The following CPED1 variants were observed in gnomAD, a reference collection of about 807,000 sequenced individuals.
CPED1 encodes the protein cadherin like and PC-esterase domain containing 1, also known as cadherin-like and PC-esterase domain-containing protein 1.
In CPED1, 114 loss-of-function variants were observed where a neutral mutation model predicts 128.2. That is an observed-to-expected ratio of 0.89 (90% CI 0.76 to 1.04). The LOEUF is 1.04. Ranked by LOEUF, CPED1 falls within the 50% of genes least tolerant of loss-of-function variation. The probability of loss-of-function intolerance (pLI) is 0.00; values close to 1 mark genes in which losing one functional copy is unlikely to be tolerated. For missense variants in CPED1, 1,211 were observed against 1,207.1 expected, an observed-to-expected ratio of 1.00 and a Z score of -0.05; for synonymous variants, 462 against 426.7, an observed-to-expected ratio of 1.08 and a Z score of -1.02.
At chr7:121,192,769 A>G (rs1037250250) in intron 16 of CPED1, among the ~76,000 whole-genome samples, 7 of 152,176 alleles carry the variant, frequency 4.6e-5, no homozygotes, top group Non-Finnish European at 8.8e-5. Flanking sequence ...TACAAAACAC[A>G]TACTGTAAAA....
intron 3 of CPED1, among the ~76,000 whole-genome samples, chr7:121,045,220 G>A (rs1793164285): frequency 6.6e-6 from 1 of 152,194 alleles, no homozygotes; most frequent in Non-Finnish European, 1.5e-5. Context: ...TGCACGATGA[G>A]ATTTCTCTCA....
intron 2 of CPED1, among the ~76,000 whole-genome samples, chr7:120,997,314 T>C (rs1317033282): frequency 2.0e-5 from 3 of 152,250 alleles, no homozygotes; most frequent in Non-Finnish European, 2.9e-5. Flanking sequence ...CATCTTTCTT[T>C]TTTAAGTGAA....
chr7:121,009,274 A>G (rs1168363742), intron 2 of CPED1, among the ~76,000 whole-genome samples: 1 of 151,924 alleles, frequency 6.6e-6, no homozygotes, highest in Non-Finnish European at 1.5e-5. Flanking sequence ...ATGGAATCTG[A>G]ACTGCAGAGA....
intron 22 of CPED1, among the ~76,000 whole-genome samples, chr7:121,290,167 A>G (rs1237346964): frequency 1.3e-5 from 2 of 152,236 alleles, no homozygotes; most frequent in African/African-American, 4.8e-5. Context: ...ATAGTACTCC[A>G]TGGTATATAC....
chr7:120,998,925 C>G (rs1220056751), intron 2 of CPED1, among the ~76,000 whole-genome samples: 1 of 151,710 alleles, frequency 6.6e-6, no homozygotes, highest in Non-Finnish European at 1.5e-5. Context: ...GATTTTGGAC[C>G]CTGAGTAACA....
At chr7:121,143,890 G>T (rs1241207383) in intron 16 of CPED1, among the ~76,000 whole-genome samples, 1 of 151,798 alleles carries the variant, frequency 6.6e-6, no homozygotes, top group Non-Finnish European at 1.5e-5. Context: ...ATTCATAGTA[G>T]CTAAAAGTTG....
intron 17 of CPED1, 85 bp downstream of exon 17, chr7:121,236,916 T>C: frequency 1.7e-6 from 1 of 599,306 alleles, no homozygotes; most frequent in Non-Finnish European, 2.8e-6. Flanking sequence ...TATCCTTTTA[T>C]AAAAAAACAA....
At chr7:121,204,305 C>T (rs1797469933) in intron 16 of CPED1, among the ~76,000 whole-genome samples, 1 of 151,862 alleles carries the variant, frequency 6.6e-6, no homozygotes, top group Non-Finnish European at 1.5e-5. Flanking sequence ...AGTAGAAGCC[C>T]CTGAATGAGA....
At chr7:121,028,411 C>T (rs572492704) in intron 3 of CPED1, among the ~76,000 whole-genome samples, 9 of 152,308 alleles carry the variant, frequency 5.9e-5, no homozygotes, top group Admixed American at 1.3e-4. Flanking sequence ...CCTGAATCAA[C>T]CTTTCACTTT....
chr7:121,240,809 C>T (rs1487126930), intron 17 of CPED1, among the ~76,000 whole-genome samples: 1 of 140,100 alleles, frequency 7.1e-6, no homozygotes, highest in Non-Finnish European at 1.5e-5. Flanking sequence ...AGAAAGGACA[C>T]ACTCTAAGGC....
intron 7 of CPED1, among the ~76,000 whole-genome samples, chr7:121,107,135 T>C (rs1021695119): frequency 1.3e-5 from 2 of 152,146 alleles, no homozygotes; most frequent in African/African-American, 4.8e-5. Flanking sequence ...AGATGGATCT[T>C]TGGGAAATGG....
chr7:121,095,355 C>A (rs976751453), intron 5 of CPED1, among the ~76,000 whole-genome samples: 1 of 151,860 alleles, frequency 6.6e-6, no homozygotes, highest in African/African-American at 2.4e-5. Context: ...AATGTTTACA[C>A]GATTATTTAT....
Position 121,250,273 on chromosome 7 carries a change from C to G in CPED1, c.2310+5935C>G, listed in dbSNP as rs548485470. 1.3e-4 allele frequency among the ~76,000 whole-genome samples: 19 copies of G among 151,430 alleles called. 1 individual carries two copies. In the East Asian group the frequency reaches 1.9e-3, roughly 15 times the overall value. ...AAATAAAGATGTTCTTTGAAACCAA[C>G]GAGAACAAAGACACAACATACCAGA... On this transcript the variant is annotated intron_variant, in intron 18 of 22. Coordinates refer to ENST00000310396, the MANE Select transcript of CPED1 (RefSeq NM_024913.5).
At chr7:121,267,126 G>T in intron 20 of CPED1, 89 bp from the exon 21 acceptor site, 2 of 733,558 alleles carry the variant, frequency 2.7e-6, no homozygotes, top group East Asian at 2.6e-5. Flanking sequence ...CATTCTGAAA[G>T]AATTCTATGG....
intron 10 of CPED1, 85 bp from the exon 11 acceptor site, chr7:121,128,293 CTGAT>C: frequency 1.4e-6 from 1 of 719,624 alleles, no homozygotes; most frequent in Non-Finnish European, 2.5e-6. Context: ...AACTCAAAAT[CTGAT>C]TGGTTGATGA....
intron 16 of CPED1, among the ~76,000 whole-genome samples, chr7:121,197,118 C>CTTT (rs33936909): frequency 7.8e-6 from 1 of 128,414 alleles, no homozygotes; most frequent in African/African-American, 2.9e-5. Context: ...TAAAAATAAT[C>CTTT]TTTTTTTTTT....
intron 16 of CPED1, among the ~76,000 whole-genome samples, chr7:121,199,551 C>T (rs931045329): frequency 6.6e-6 from 1 of 151,116 alleles, no homozygotes; most frequent in Non-Finnish European, 1.5e-5. Context: ...GTGGTGCACA[C>T]CTGTAGTCCC....
chr7:121,039,703 A>G (rs1792997412), intron 3 of CPED1, among the ~76,000 whole-genome samples: 1 of 152,114 alleles, frequency 6.6e-6, no homozygotes, highest in Middle Eastern at 3.2e-3. Context: ...AGAAAATGAC[A>G]TAAATGGCAT....
In CPED1 at chr7:121,125,832, C is replaced by T. The variant is rs772578138; in HGVS notation, c.1074C>T (p.Cys358=). 2.5e-6 allele frequency: 4 copies of T among 1,612,768 alleles called. No individual in the cohort carries two copies. In the East Asian group the frequency reaches 8.9e-5, roughly 36 times the overall value. The change falls in exon 9 of 23, where the codon TGC becomes TGT. Residue 358 remains cysteine, a synonymous_variant. Coordinates refer to ENST00000310396, the MANE Select transcript of CPED1 (RefSeq NM_024913.5). ...GTTTTCATTTTAGATGCAGATTCTGCTTTCAACTTCTAACTTTTGATATTG... is the reference window on the plus strand; with the variant it reads ...GTTTTCATTTTAGATGCAGATTCTGTTTTCAACTTCTAACTTTTGATATTG... ...GPKTFHRCRF[C]FQLLTFDIGY...
Sources: gnomAD v4.1 joint callset for allele counts (sites outside exome capture counted in the v4.1 genomes callset) on GRCh38, gnomAD v4.1.1 for gene constraint, MANE v1.5 for transcripts, NCBI Gene and HGNC (gene_info 2026-07-23, HGNC 2026-07-21) for gene names.